NOS1: variants seen among roughly 807,000 people sequenced by gnomAD.
NOS1 encodes nitric oxide synthase 1.
In NOS1, 51 loss-of-function variants were observed where a neutral mutation model predicts 164.5. The observed-to-expected ratio is 0.31, with a 90% CI of 0.25 to 0.39. The LOEUF (loss-of-function observed/expected upper bound fraction) is 0.39. Among genes scored for constraint, NOS1 ranks in the 10% least tolerant of loss-of-function variants. The pLI is 1.00. For missense variants in NOS1, 1,362 were observed against 1,885.6 expected (o/e 0.72, Z 5.14); for synonymous variants, 719 against 745.8 (o/e 0.96, Z 0.59).
intron 8 of NOS1, 28 bp from the exon 9 acceptor site, chr12:117,278,126 C>T: frequency 6.3e-7 from 1 of 1,595,640 alleles, no homozygotes; most frequent in South Asian, 1.1e-5. Context: ...CAGGTAATGC[C>T]ACTGTACCCC....
chr12:117,279,701 G>A (rs1438471575), intron 8 of NOS1, among the ~76,000 whole-genome samples: 3 of 152,236 alleles, frequency 2.0e-5, no homozygotes, highest in African/African-American at 7.2e-5. Context: ...GGGCATTTAT[G>A]TTCTGGTGAC....
At chr12:117,302,594 CAA>C (rs144113071) in intron 3 of NOS1, among the ~76,000 whole-genome samples, 4,051 of 73,070 alleles carry the variant, frequency 0.055, 38 homozygotes, top group Middle Eastern at 0.1. Flanking sequence ...GACTCCGTCT[CAA>C]AAAAAAAAAA....
intron 24 of NOS1, among the ~76,000 whole-genome samples, chr12:117,225,537 T>C (rs1868593159): frequency 6.6e-6 from 1 of 152,188 alleles, no homozygotes; most frequent in African/African-American, 2.4e-5. Flanking sequence ...TGACAACTCA[T>C]AATGTCTCCA....
At position 117,209,008 on chromosome 12, in the gene NOS1, C is replaced by T. The variant is rs760243455; in HGVS notation, c.*6301G>A. On this transcript the variant is annotated 3_prime_UTR_variant, in exon 29 of 29. Coordinates refer to ENST00000317775, the MANE Select transcript of NOS1 (RefSeq NM_000620.5). Reference sequence around the variant, plus strand: ...AAAGTCCTGTGATTACAGGCATGAGCCACCACGCCTGGCCTGGGAGGGGTT... The same window carrying T: ...AAAGTCCTGTGATTACAGGCATGAGTCACCACGCCTGGCCTGGGAGGGGTT... The T allele has an allele frequency of 1.2e-3, 1,201 of 981,612 alleles. No individual in the cohort carries two copies. The highest frequency in any genetic ancestry group is 1.4e-3 in the Non-Finnish European group (1,120 of 826,622). The allele number at this position is 981,612 out of a possible 1,614,324, so 60.8% of individuals were successfully genotyped here.
Position 117,356,589 on chromosome 12 carries a change from T to C in NOS1, c.-421+4923A>G, listed in dbSNP as rs1361374598. Among the ~76,000 whole-genome samples the C allele has an allele frequency of 6.6e-6, 1 of 152,178 alleles. No individual in the cohort carries two copies. ...TTTATCTGGGCACCTGCCCTTGGGG[T>C]CTAGCACTGGCCTTGCCATTTAACA... On this transcript the variant is annotated intron_variant, in intron 1 of 28. Transcript: ENST00000317775. The surrounding 1 kb of genome is among the most constrained non-coding windows in gnomAD (Gnocchi z 4.2).
At chr12:117,312,782 G>A (rs1874495987) in intron 2 of NOS1, among the ~76,000 whole-genome samples, 1 of 151,996 alleles carries the variant, frequency 6.6e-6, no homozygotes, top group South Asian at 2.1e-4. Context: ...AAGCTAAGTT[G>A]CTCAAGGTCA....
chr12:117,269,911 G>T (rs1432348098), intron 10 of NOS1, among the ~76,000 whole-genome samples: 6 of 152,158 alleles, frequency 3.9e-5, no homozygotes, highest in Non-Finnish European at 8.8e-5. Flanking sequence ...TGAGGCCCCT[G>T]CCAGACTCCA....
At chr12:117,217,644 G>A (rs1956632304) in intron 28 of NOS1, among the ~76,000 whole-genome samples, 1 of 151,990 alleles carries the variant, frequency 6.6e-6, no homozygotes, top group South Asian at 2.1e-4. Flanking sequence ...GGTGGAGGAT[G>A]CAGTGAGCTG....
chr12:117,260,489 G>C lies in NOS1; in HGVS notation c.2343C>G (p.Ile781Met). ...SQAYAKTLCEIFKHAFDAKVM... is the reference protein window; with the variant it reads ...SQAYAKTLCEMFKHAFDAKVM... Reference sequence around the variant, plus strand: ...CCTTGGCATCAAAGGCGTGTTTGAAGATCTCACACAAGGTCTTGGCATAAG... The same window carrying C: ...CCTTGGCATCAAAGGCGTGTTTGAACATCTCACACAAGGTCTTGGCATAAG... Residue 781 changes from isoleucine to methionine, a missense_variant, in exon 14 of 29, where the codon ATC becomes ATG. Physicochemically the swap from Ile to Met is conservative, Grantham distance 10. Around this residue, in one of 4 missense-constraint regions of NOS1, gnomAD observed 737 missense variants for 1,030.3 expected, o/e 0.72. Coordinates refer to ENST00000317775, the MANE Select transcript of NOS1 (RefSeq NM_000620.5). The C allele has an allele frequency of 6.2e-7, 1 of 1,614,062 alleles. No homozygotes were observed. The highest frequency in any genetic ancestry group is 8.5e-7 in the Non-Finnish European group (1 of 1,179,960).
intron 3 of NOS1, among the ~76,000 whole-genome samples, chr12:117,309,563 A>G (rs7295972): frequency 0.59 from 90,483 of 152,090 alleles, 28,295 homozygotes; most frequent in African/African-American, 0.79. Flanking sequence ...CGGTCACGCC[A>G]ACTTCACTGC....
At chr12:117,299,753 G>T (rs1873690113) in intron 3 of NOS1, among the ~76,000 whole-genome samples, 1 of 151,966 alleles carries the variant, frequency 6.6e-6, no homozygotes, top group African/African-American at 2.4e-5. Flanking sequence ...GGGTGCTTGG[G>T]AGTCAGACTC....
At chr12:117,324,084 A>G (rs567374780) in intron 2 of NOS1, among the ~76,000 whole-genome samples, 1 of 151,988 alleles carries the variant, frequency 6.6e-6, no homozygotes, top group African/African-American at 2.4e-5. Context: ...CTGTCTCTTT[A>G]GTTCTAGACA....
At position 117,209,637 on chromosome 12, in the gene NOS1, G is replaced by A. The variant is rs893486264; in HGVS notation, c.*5672C>T. 1.0e-6 allele frequency: 1 copy of A among 985,318 alleles called. No homozygotes were observed. Among genetic ancestry groups the A allele is most frequent in the Admixed American group, 6.2e-5 (1 of 16,252 alleles). 61.0% of individuals were successfully genotyped at this position (985,318 alleles called of 1,614,324 possible). ...AACAAACTCATATAAACATACTAAG[G>A]CATATTGACAGCTGACCACCTCCCT... On this transcript the variant is annotated 3_prime_UTR_variant, in exon 29 of 29. Transcript: ENST00000317775.
intron 2 of NOS1, among the ~76,000 whole-genome samples, chr12:117,329,540 CAG>C (rs1299065584): frequency 1.1e-4 from 16 of 151,484 alleles, no homozygotes; most frequent in Admixed American, 2.0e-4. Context: ...GGAAGGGGGA[CAG>C]AGAAACTTCT....
At chr12:117,342,832 T>A (rs143408508) in intron 1 of NOS1, among the ~76,000 whole-genome samples, 37 of 151,774 alleles carry the variant, frequency 2.4e-4, no homozygotes, top group African/African-American at 8.9e-4. Context: ...GCAATGATGG[T>A]GGTTAAGGAT....
chr12:117,262,765 TC>T (rs1338474006), intron 13 of NOS1, among the ~76,000 whole-genome samples: 1 of 19,094 alleles, frequency 5.2e-5, no homozygotes, highest in Non-Finnish European at 1.4e-4. Context: ...AGTGGGGTTC[TC>T]TTTTTTTTGG....
Position 117,213,095 on chromosome 12 carries a change from G to A in NOS1, c.*2214C>T, listed in dbSNP as rs2135911658. The A allele has an allele frequency of 2.0e-6, 2 of 985,480 alleles. No individual in the cohort carries two copies. Among genetic ancestry groups the A allele is most frequent in the South Asian group, 9.4e-5 (2 of 21,288 alleles). The allele number at this position is 985,480 out of a possible 1,614,324, so 61.0% of individuals were successfully genotyped here. A position where few individuals can be genotyped will look rare whatever the true frequency, so the allele number is the denominator to read the frequency against. On this transcript the variant is annotated 3_prime_UTR_variant, in exon 29 of 29. Coordinates refer to ENST00000317775, the MANE Select transcript of NOS1 (RefSeq NM_000620.5). ...AAAGGCAGGCACATGCAGAAAGGAGGTGCCTGGCACCTTGTAAGCGCTTCT... is the reference window on the plus strand; with the variant it reads ...AAAGGCAGGCACATGCAGAAAGGAGATGCCTGGCACCTTGTAAGCGCTTCT...
intron 3 of NOS1, among the ~76,000 whole-genome samples, chr12:117,298,129 T>A (rs1873550103): frequency 6.6e-6 from 1 of 151,938 alleles, no homozygotes; most frequent in African/African-American, 2.4e-5. Flanking sequence ...CACCAGAATG[T>A]ACAATCAGTG....
intron 3 of NOS1, among the ~76,000 whole-genome samples, chr12:117,305,421 G>A (rs980377409): frequency 6.7e-6 from 1 of 150,060 alleles, no homozygotes; most frequent in Admixed American, 6.7e-5. Context: ...CGGAGATCGC[G>A]TCATTGCACT....
Sources: allele counts gnomAD v4.1 joint callset (sites outside exome capture counted in the v4.1 genomes callset), GRCh38; gene constraint gnomAD v4.1.1; regional missense constraint gnomAD v4.1.1; non-coding constraint Gnocchi (gnomAD v3.1); transcripts MANE v1.5; gene names NCBI Gene and HGNC (gene_info 2026-07-23, HGNC 2026-07-21).